CNTN1: variants seen among roughly 807,000 people sequenced by gnomAD.
CNTN1 encodes contactin 1.
CNTN1 carries 38 observed loss-of-function variants against 126.4 expected under a neutral mutation model. That is an observed-to-expected ratio of 0.30 (90% CI 0.23 to 0.39). CNTN1 has a LOEUF of 0.39. CNTN1 is among the 10% of genes least tolerant of loss of function. The pLI is 1.00. For missense variants in CNTN1, 1,009 were observed against 1,248.4 expected, an observed-to-expected ratio of 0.81 and a Z score of 2.89; for synonymous variants, 413 against 422.6, an observed-to-expected ratio of 0.98 and a Z score of 0.28.
chr12:40,718,499 TA>T (rs1942106499), intron 1 of CNTN1, among the ~76,000 whole-genome samples: 1 of 152,060 alleles, frequency 6.6e-6, no homozygotes, highest in Non-Finnish European at 1.5e-5. Context: ...CCTTCTCCGA[TA>T]AGGAACCCGA....
intron 1 of CNTN1, among the ~76,000 whole-genome samples, chr12:40,835,573 T>C (rs930851334): frequency 6.6e-6 from 1 of 152,144 alleles, no homozygotes; most frequent in Admixed American, 6.5e-5. Flanking sequence ...CATATGCCAT[T>C]ATGCCTGAAA....
chr12:40,732,549 T>G (rs1942526621), intron 1 of CNTN1, among the ~76,000 whole-genome samples: 1 of 152,068 alleles, frequency 6.6e-6, no homozygotes, highest in Admixed American at 6.6e-5. Flanking sequence ...GAATTGTAGT[T>G]GAGTTGTTTT....
At chr12:40,695,077 G>T (rs952330808) in intron 1 of CNTN1, among the ~76,000 whole-genome samples, 2 of 152,058 alleles carry the variant, frequency 1.3e-5, no homozygotes, top group Middle Eastern at 3.2e-3. Context: ...TTATTTTGTT[G>T]CTTAATCCTC....
In CNTN1 at chr12:40,744,304, T is replaced by A. The variant is rs1476050308; in HGVS notation, c.-77+51712T>A. ...TCCTGGAACTTTAAATTAAATTAAA[T>A]AAAAAAAAAATAAAAGAACAAAACA... On this transcript the variant is annotated intron_variant, in intron 1 of 23. Transcript: ENST00000551295. Among the ~76,000 whole-genome samples, 51 of 145,886 alleles carry A rather than the reference T, an allele frequency of 3.5e-4. No individual in the cohort carries two copies. The East Asian group carries it at 7.9e-3, about 23-fold the overall frequency.
intron 1 of CNTN1, among the ~76,000 whole-genome samples, chr12:40,877,598 G>C (rs1181316060): frequency 6.6e-6 from 1 of 152,112 alleles, no homozygotes; most frequent in Non-Finnish European, 1.5e-5. Flanking sequence ...AATGACACAA[G>C]TTTCTCCTAT....
chr12:40,889,504 A>G (rs980165841), intron 1 of CNTN1, among the ~76,000 whole-genome samples: 3 of 152,226 alleles, frequency 2.0e-5, no homozygotes, highest in Non-Finnish European at 2.9e-5. Context: ...TTATACGTTC[A>G]GGAATTTAAA....
chr12:40,942,971 T>C (rs1049231961), intron 12 of CNTN1, among the ~76,000 whole-genome samples: 4 of 152,054 alleles, frequency 2.6e-5, no homozygotes, highest in African/African-American at 9.7e-5. Context: ...TTAAAGAAAG[T>C]AAAAAATCCA....
intron 1 of CNTN1, among the ~76,000 whole-genome samples, chr12:40,904,836 C>G (rs999922223): frequency 6.6e-6 from 1 of 152,188 alleles, no homozygotes; most frequent in Non-Finnish European, 1.5e-5. Flanking sequence ...CAAGTGACTT[C>G]TGTGTGTCAG....
At chr12:41,053,954 G>T (rs1433458885) in intron 23 of CNTN1, among the ~76,000 whole-genome samples, 2 of 151,528 alleles carry the variant, frequency 1.3e-5, no homozygotes, top group South Asian at 4.2e-4. Context: ...TCTTAATTGT[G>T]TTCATGGAAA....
chr12:40,925,561 G>C (rs1329799499), intron 6 of CNTN1, among the ~76,000 whole-genome samples: 1 of 117,026 alleles, frequency 8.5e-6, no homozygotes, highest in Non-Finnish European at 1.8e-5. Flanking sequence ...ATATATACAC[G>C]TATATATACG....
intron 6 of CNTN1, 92 bp from the exon 7 acceptor site, chr12:40,929,704 G>A (rs995468192): frequency 2.2e-6 from 2 of 928,226 alleles, no homozygotes; most frequent in Non-Finnish European, 3.4e-6. Flanking sequence ...GCCTTTATTA[G>A]ATTAAGTGAT....
At chr12:41,051,150 T>C (rs1460476896) in intron 23 of CNTN1, among the ~76,000 whole-genome samples, 1 of 147,828 alleles carries the variant, frequency 6.8e-6, no homozygotes, top group Non-Finnish European at 1.5e-5. Flanking sequence ...GTGATCTTTT[T>C]TTTTTTTTTT....
chr12:40,737,873 T>C (rs1224915195), intron 1 of CNTN1, among the ~76,000 whole-genome samples: 6 of 152,028 alleles, frequency 3.9e-5, no homozygotes, highest in African/African-American at 9.7e-5. Flanking sequence ...GCAACTAGAA[T>C]GAAACATCAC....
intron 14 of CNTN1, among the ~76,000 whole-genome samples, chr12:40,955,130 C>T (rs964044036): frequency 6.6e-6 from 1 of 151,900 alleles, no homozygotes; most frequent in Non-Finnish European, 1.5e-5. Flanking sequence ...CAGTATGACC[C>T]AACTCCTACT....
chr12:40,715,070 G>A (rs1265764236), intron 1 of CNTN1, among the ~76,000 whole-genome samples: 1 of 152,142 alleles, frequency 6.6e-6, no homozygotes, highest in African/African-American at 2.4e-5. Context: ...ATTAAGAACT[G>A]AATTTCGTTT....
At chr12:40,882,871 A>G (rs1229602196) in intron 1 of CNTN1, among the ~76,000 whole-genome samples, 3 of 151,592 alleles carry the variant, frequency 2.0e-5, no homozygotes, top group South Asian at 2.1e-4. Flanking sequence ...CTTTGCACAT[A>G]TGAAGCTTTG....
intron 1 of CNTN1, among the ~76,000 whole-genome samples, chr12:40,896,406 T>C (rs765660381): frequency 2.0e-5 from 3 of 152,206 alleles, no homozygotes; most frequent in Non-Finnish European, 4.4e-5. Flanking sequence ...ATTATATTAC[T>C]ATTCCCATTG....
At chr12:40,864,313 C>A (rs759028880) in intron 1 of CNTN1, among the ~76,000 whole-genome samples, 2 of 152,074 alleles carry the variant, frequency 1.3e-5, no homozygotes, top group Middle Eastern at 3.4e-3. Context: ...AACCACCATG[C>A]CCAGACCTAT....
At chr12:41,040,476 AT>A (rs1332716104) in intron 23 of CNTN1, among the ~76,000 whole-genome samples, 1 of 152,158 alleles carries the variant, frequency 6.6e-6, no homozygotes, top group Non-Finnish European at 1.5e-5. Flanking sequence ...GAGCAGCTTC[AT>A]AAAAATGCAG....
Sources: allele counts gnomAD v4.1 joint callset (sites outside exome capture counted in the v4.1 genomes callset), GRCh38; gene constraint gnomAD v4.1.1; transcripts MANE v1.5; gene names NCBI Gene and HGNC (gene_info 2026-07-23, HGNC 2026-07-21).